The following ZFHX3 variants were observed in gnomAD, a reference collection of about 807,000 sequenced individuals.
ZFHX3 encodes zinc finger homeobox 3.
ZFHX3 carries 42 observed loss-of-function variants against 279.1 expected under a neutral mutation model. That is an observed-to-expected ratio of 0.15 (90% confidence interval 0.12 to 0.19). The LOEUF is 0.19. Among genes scored for constraint, ZFHX3 ranks in the 10% least tolerant of loss-of-function variants. ZFHX3 has a pLI of 1.00. For synonymous variants in ZFHX3, 2,293 were observed against 1,957.8 expected, an observed-to-expected ratio of 1.17 and a Z score of -4.52; for missense variants, 4,981 against 4,754.0, an observed-to-expected ratio of 1.05 and a Z score of -1.40.
rs1275096195 is a variant in ZFHX3 at position 72,786,439 on chromosome 16, G to A, written c.*725C>T. 1 of 149,058 alleles carries A rather than the reference G, an allele frequency of 6.7e-6. No homozygotes were observed. The allele number at this position is 149,058 out of a possible 1,614,324, so 9.2% of individuals were successfully genotyped here. On this transcript the variant is annotated 3_prime_UTR_variant, in exon 10 of 10. Coordinates refer to ENST00000268489, the MANE Select transcript of ZFHX3 (RefSeq NM_006885.4). ...TATTTTTTTTTTTTTTTGAAAGTGG[G>A]AGTGCTTAACTTTTCCCCTTGAAAT...
intron 2 of ZFHX3, among the ~76,000 whole-genome samples, chr16:73,610,884 C>T (rs934767261): frequency 6.6e-5 from 10 of 152,166 alleles, no homozygotes; most frequent in African/African-American, 2.2e-4. Context: ...CTTGGGAAGC[C>T]GAGCAACTGT....
At chr16:73,216,457 G>A (rs771428315) in intron 5 of ZFHX3, among the ~76,000 whole-genome samples, 3 of 152,154 alleles carry the variant, frequency 2.0e-5, no homozygotes, top group Admixed American at 6.5e-5. Context: ...ACTGGATATC[G>A]CTAGTATTAT....
intron 5 of ZFHX3, among the ~76,000 whole-genome samples, chr16:72,817,360 C>T (rs2036639539): frequency 6.6e-6 from 1 of 152,214 alleles, no homozygotes; most frequent in African/African-American, 2.4e-5. Flanking sequence ...CTTCATTTCT[C>T]ATCTAGTAAC....
At chr16:73,319,956 TGA>T (rs1336098237) in intron 3 of ZFHX3, among the ~76,000 whole-genome samples, 1 of 152,204 alleles carries the variant, frequency 6.6e-6, no homozygotes, top group African/African-American at 2.4e-5. Flanking sequence ...ATTAAAATGA[TGA>T]GAGTGAACTC....
chr16:72,951,011 T>A (rs370408296), intron 2 of ZFHX3, 46 bp from the exon 3 acceptor site: 40 of 1,582,194 alleles, frequency 2.5e-5, no homozygotes, highest in African/African-American at 4.0e-5. Flanking sequence ...AGGCTCATGG[T>A]CACGGCCACA....
At chr16:73,733,386 T>C (rs2053584624) in intron 1 of ZFHX3, among the ~76,000 whole-genome samples, 1 of 152,210 alleles carries the variant, frequency 6.6e-6, no homozygotes, top group Non-Finnish European at 1.5e-5. Flanking sequence ...TTCATTTAGA[T>C]CAAATGACTG....
intron 5 of ZFHX3, among the ~76,000 whole-genome samples, chr16:72,812,780 A>G (rs1159653539): frequency 6.6e-6 from 1 of 152,114 alleles, no homozygotes; most frequent in Non-Finnish European, 1.5e-5. Flanking sequence ...TGCTTACACC[A>G]CCAAAAAAAC....
At chr16:73,523,336 C>T (rs575964676) in intron 2 of ZFHX3, among the ~76,000 whole-genome samples, 16 of 152,274 alleles carry the variant, frequency 1.1e-4, no homozygotes, top group South Asian at 2.1e-4. Context: ...ATAGTTACTA[C>T]GTGGTTTCTG....
chr16:73,178,894 C>T (rs570250001), intron 5 of ZFHX3, among the ~76,000 whole-genome samples: 3 of 152,274 alleles, frequency 2.0e-5, no homozygotes, highest in South Asian at 4.1e-4. Context: ...CACCTACCCA[C>T]CCAACGATAC....
intron 5 of ZFHX3, among the ~76,000 whole-genome samples, chr16:73,238,595 G>A (rs546280483): frequency 2.6e-5 from 4 of 152,122 alleles, no homozygotes; most frequent in East Asian, 1.9e-4. Flanking sequence ...TGCCCACAAT[G>A]CCTTCTCTGT....
At chr16:72,919,563 G>T (rs936081871) in intron 3 of ZFHX3, among the ~76,000 whole-genome samples, 2 of 150,074 alleles carry the variant, frequency 1.3e-5, no homozygotes, top group Non-Finnish European at 1.5e-5. Flanking sequence ...GATCTGTTTT[G>T]TTTTTTTTTA....
At chr16:73,589,185 C>T (rs1339231024) in intron 2 of ZFHX3, among the ~76,000 whole-genome samples, 4 of 140,246 alleles carry the variant, frequency 2.9e-5, no homozygotes, top group East Asian at 2.2e-4. Context: ...GCTTGACCCT[C>T]GGAGGGGAAG....
At chr16:72,999,772 G>C (rs1963427553) in intron 1 of ZFHX3, among the ~76,000 whole-genome samples, 1 of 152,174 alleles carries the variant, frequency 6.6e-6, no homozygotes, top group African/African-American at 2.4e-5. Context: ...AGCAACTCTT[G>C]AATCAGTCAA....
At chr16:73,085,686 T>C (rs1308742629) in intron 8 of ZFHX3, among the ~76,000 whole-genome samples, 1 of 152,036 alleles carries the variant, frequency 6.6e-6, no homozygotes, top group Non-Finnish European at 1.5e-5. Context: ...TCAATCAAAA[T>C]AGACTAAAGA....
At chr16:73,687,617 G>A (rs747551697) in intron 1 of ZFHX3, among the ~76,000 whole-genome samples, 23 of 151,966 alleles carry the variant, frequency 1.5e-4, no homozygotes, top group Non-Finnish European at 3.1e-4. Flanking sequence ...GCCAAGGCAG[G>A]TGGATCACGA....
rs142910073 is a variant in ZFHX3, at chr16:73,877,125, C to T, written c.-1608+14526G>A. Among the ~76,000 whole-genome samples, 5 of 136,706 alleles carry T rather than the reference C, an allele frequency of 3.7e-5. No individual in the cohort carries two copies. In the East Asian group the frequency reaches 1.1e-3, roughly 29 times the overall value. 89.7% of individuals were successfully genotyped at this position (136,706 alleles called of 152,430 possible). A position where few individuals can be genotyped will look rare whatever the true frequency, so the allele number is the denominator to read the frequency against. ...TGTTAATCTTAAATTTCTACAAACCCAAGTGTCACAATAAGCATGTATGGT... is the reference window on the plus strand; with the variant it reads ...TGTTAATCTTAAATTTCTACAAACCTAAGTGTCACAATAAGCATGTATGGT... On this transcript the variant is annotated intron_variant, in intron 1 of 17. Coordinates refer to the ZFHX3 transcript ENST00000641206.
At chr16:73,060,512 C>T (rs1965669022), upstream of ZFHX3, 1 of 151,234 alleles carries the variant, frequency 6.6e-6, no homozygotes, top group Admixed American at 6.6e-5. Flanking sequence ...GTCTCTCTCT[C>T]TCTCTCTCCC....
intron 3 of ZFHX3, among the ~76,000 whole-genome samples, chr16:73,329,541 G>C (rs112072547): frequency 2.6e-5 from 4 of 152,236 alleles, no homozygotes; most frequent in Admixed American, 2.0e-4. Context: ...TACTAATCAG[G>C]AGAGGAGGCA....
intron 5 of ZFHX3, among the ~76,000 whole-genome samples, chr16:73,153,295 T>C (rs946640556): frequency 3.3e-5 from 5 of 152,178 alleles, no homozygotes; most frequent in Non-Finnish European, 7.4e-5. Context: ...TTATTTTATG[T>C]TTTTAGAGAC....
Sources: gnomAD v4.1 joint callset for allele counts (sites outside exome capture counted in the v4.1 genomes callset) on GRCh38, gnomAD v4.1.1 for gene constraint, MANE v1.5 for transcripts, NCBI Gene and HGNC (gene_info 2026-07-23, HGNC 2026-07-21) for gene names.